The following COL5A1 variants were observed in gnomAD, a reference collection of about 807,000 sequenced individuals.
COL5A1 encodes collagen type V alpha 1 chain.
Under a neutral mutation model 263.7 loss-of-function variants are expected in COL5A1, and 16 were observed. The ratio of observed to expected loss-of-function variants is 0.06; its 90% CI spans 0.04 to 0.09. The LOEUF is 0.09. Ranked by LOEUF, COL5A1 falls within the 10% of genes least tolerant of loss-of-function variation. COL5A1 has a pLI of 1.00. For synonymous variants in COL5A1, 1,012 were observed against 1,004.5 expected, an observed-to-expected ratio of 1.01 and a Z score of -0.14; for missense variants, 2,036 against 2,540.5, an observed-to-expected ratio of 0.80 and a Z score of 4.27.
intron 18 of COL5A1, among the ~76,000 whole-genome samples, chr9:134,761,474 C>T (rs1196044793): frequency 2.6e-5 from 4 of 152,234 alleles, no homozygotes; most frequent in Non-Finnish European, 1.5e-5. Context: ...GAAGGCTGTC[C>T]CTGACTCAGC....
At chr9:134,701,677 G>A (rs562778259) in intron 4 of COL5A1, among the ~76,000 whole-genome samples, 4 of 152,278 alleles carry the variant, frequency 2.6e-5, no homozygotes, top group Admixed American at 1.3e-4. Flanking sequence ...CACTCCTGCC[G>A]TCTGTATCCG....
intron 11 of COL5A1, among the ~76,000 whole-genome samples, chr9:134,747,411 G>T (rs1343639855): frequency 2.6e-5 from 4 of 152,174 alleles, no homozygotes; most frequent in Non-Finnish European, 5.9e-5. Context: ...CACCATGTGA[G>T]CAGGAGCATG....
At chr9:134,679,724 G>T (rs1296244797) in intron 1 of COL5A1, among the ~76,000 whole-genome samples, 2 of 138,908 alleles carry the variant, frequency 1.4e-5, no homozygotes, top group South Asian at 4.9e-4. Flanking sequence ...AGCTGGTTAC[G>T]GGGCACTGTG....
chr9:134,652,274 C>A lies in COL5A1; in HGVS notation c.109+9978C>A, dbSNP rs1324678611. 6.6e-6 allele frequency among the ~76,000 whole-genome samples: 1 copy of A among 152,150 alleles called. No homozygotes were observed. Among genetic ancestry groups the A allele is most frequent in the African/African-American group, 2.4e-5 (1 of 41,434 alleles). ...TACTCAGCTGAAGGTTGAGAACACA[C>A]AGGGCGTCCTTGGGCCGGTGTGGCG... On this transcript the variant is annotated intron_variant, in intron 1 of 65. Transcript: ENST00000371817. This position sits in a 1 kb window ranked among gnomAD's most constrained non-coding sequence, Gnocchi z 4.4.
chr9:134,732,029 TTC>T lies in COL5A1; in HGVS notation c.1333-36_1333-35del, dbSNP rs769012788. ...GTAATCTGGACTTTCTTTCTCACTT[TTC>T]TCTCTGATTCTCTTTCCATCTGCCT... On this transcript the variant is annotated intron_variant, in intron 8 of 65. Transcript: ENST00000371817. The T allele has an allele frequency of 9.3e-6, 15 of 1,609,366 alleles. No homozygotes were observed. The African/African-American group carries it at 2.0e-4, about 22-fold the overall frequency.
chr9:134,701,042 A>G, intron 3 of COL5A1, 129 bp from the exon 4 acceptor site: 2 of 926,694 alleles, frequency 2.2e-6, no homozygotes, highest in African/African-American at 1.6e-5. Flanking sequence ...CTGGGCCTTG[A>G]TCTGCTCCGC....
At chr9:134,787,071 C>T (rs938600447) in intron 31 of COL5A1, among the ~76,000 whole-genome samples, 3 of 152,210 alleles carry the variant, frequency 2.0e-5, no homozygotes, top group Admixed American at 6.5e-5. Flanking sequence ...AACAGTGGCT[C>T]GTTGAACGTG....
chr9:134,732,970 C>T (rs1171314778), intron 9 of COL5A1, among the ~76,000 whole-genome samples: 2 of 152,174 alleles, frequency 1.3e-5, no homozygotes, highest in African/African-American at 2.4e-5. Flanking sequence ...GGAGTCCTGC[C>T]GCTGCATGTG....
chr9:134,666,516 G>A (rs910443532), intron 1 of COL5A1, among the ~76,000 whole-genome samples: 1 of 152,214 alleles, frequency 6.6e-6, no homozygotes, highest in Admixed American at 6.5e-5. Flanking sequence ...CGTTCTCAAA[G>A]GCACACAGGT....
rs1263199880 is a variant in COL5A1 at position 134,754,579 on chromosome 9, T to A, written c.1827+253T>A. On this transcript the variant is annotated intron_variant, in intron 16 of 65. Transcript: ENST00000371817. This position sits in a 1 kb window ranked among gnomAD's most constrained non-coding sequence, Gnocchi z 4.3. ...ACATTCATTTAGTTTAATAAACCTT[T>A]CTAATTCAAGAAACTTCCCAGGCCC... is the stretch of plus-strand genomic sequence containing the variant. 2.6e-5 allele frequency among the ~76,000 whole-genome samples: 4 copies of A among 152,230 alleles called. No individual in the cohort carries two copies. The highest frequency in any genetic ancestry group is 5.9e-5 in the Non-Finnish European group (4 of 68,040).
chr9:134,657,738 G>A (rs967093251), intron 1 of COL5A1, among the ~76,000 whole-genome samples: 4 of 151,164 alleles, frequency 2.6e-5, no homozygotes, highest in African/African-American at 7.3e-5. Context: ...TCCTTTGCCC[G>A]GGGGTGCCAG....
Position 134,727,353 on chromosome 9 carries a change from G to C in COL5A1, c.742G>C (p.Val248Leu). ...EHYSPDCDTA[V>L]PDTPQSQDPN... Reference sequence around the variant, plus strand: ...CTACAGCCCTGACTGTGACACCGCAGTACCTGACACCCCACAGTCGCAGGA... The same window carrying C: ...CTACAGCCCTGACTGTGACACCGCACTACCTGACACCCCACAGTCGCAGGA... The change falls in exon 5 of 66, where the codon GTA becomes CTA. Residue 248 changes from valine (V) to leucine (L), a missense_variant. Physicochemically the swap from Val to Leu is conservative, Grantham distance 32 (BLOSUM62 1). Coordinates refer to ENST00000371817, the MANE Select transcript of COL5A1 (RefSeq NM_000093.5). 6.2e-7 allele frequency: 1 copy of C among 1,614,098 alleles called. No individual in the cohort carries two copies. Among genetic ancestry groups the C allele is most frequent in the Non-Finnish European group, 8.5e-7 (1 of 1,179,986 alleles).
intron 65 of COL5A1, among the ~76,000 whole-genome samples, chr9:134,838,497 C>T (rs1395589359): frequency 2.0e-5 from 3 of 152,228 alleles, no homozygotes; most frequent in Non-Finnish European, 4.4e-5. Flanking sequence ...GTCCAGACCG[C>T]GCCACCTTCT....
chr9:134,740,384 C>T (rs1835260764), intron 11 of COL5A1, among the ~76,000 whole-genome samples: 1 of 152,228 alleles, frequency 6.6e-6, no homozygotes, highest in Non-Finnish European at 1.5e-5. Flanking sequence ...AACGGCCAAG[C>T]TCCTCCTCCG....
intron 36 of COL5A1, 27 bp from the exon 37 acceptor site, chr9:134,798,381 C>T: frequency 1.2e-6 from 2 of 1,612,662 alleles, no homozygotes; most frequent in Non-Finnish European, 1.7e-6. Flanking sequence ...CACGAATGAA[C>T]CTCCTTTCCT....
In COL5A1 at chr9:134,647,483, G is replaced by A. The variant is rs916600304; in HGVS notation, c.109+5187G>A. Among the ~76,000 whole-genome samples the A allele has an allele frequency of 1.3e-5, 2 of 152,170 alleles. No individual in the cohort carries two copies. Among genetic ancestry groups the A allele is most frequent in the South Asian group, 2.1e-4 (1 of 4,832 alleles). ...TTTGTGGGTATACATGTGTGTTTGA[G>A]TGTGCACGCATGCGCATCCTTGCAC... On this transcript the variant is annotated intron_variant, in intron 1 of 65. Coordinates refer to ENST00000371817, the MANE Select transcript of COL5A1 (RefSeq NM_000093.5). The surrounding 1 kb of genome is among the most constrained non-coding windows in gnomAD (Gnocchi z 5.0).
At chr9:134,649,804 T>C (rs1831608796) in intron 1 of COL5A1, among the ~76,000 whole-genome samples, 2 of 152,002 alleles carry the variant, frequency 1.3e-5, no homozygotes. Context: ...CAATGATAGA[T>C]TGGATAAAGA....
intron 65 of COL5A1, among the ~76,000 whole-genome samples, chr9:134,836,152 C>T (rs1478145094): frequency 1.3e-5 from 2 of 152,208 alleles, no homozygotes; most frequent in South Asian, 2.1e-4. Flanking sequence ...GCCGGGTAAA[C>T]GGGAAGCGGT....
In COL5A1 at chr9:134,842,845, G is replaced by A. The variant is rs78312121; in HGVS notation, c.*542G>A. 133 of 170,360 alleles carry A rather than the reference G, an allele frequency of 7.8e-4. No homozygotes were observed. Among genetic ancestry groups the A allele is most frequent in the African/African-American group, 3.0e-3 (126 of 41,914 alleles). The allele number at this position is 170,360 out of a possible 1,614,324, so 10.6% of individuals were successfully genotyped here. On this transcript the variant is annotated 3_prime_UTR_variant, in exon 66 of 66. Coordinates refer to ENST00000371817, the MANE Select transcript of COL5A1 (RefSeq NM_000093.5). This position sits in a 1 kb window ranked among gnomAD's most constrained non-coding sequence, Gnocchi z 5.8. ...AATGTCATTCTGCAGGTGCCTTCCC[G>A]ATGGATTAAAGGTGCTTATGTTTTT... is the stretch of plus-strand genomic sequence containing the variant.
Sources: gnomAD v4.1 joint callset for allele counts (sites outside exome capture counted in the v4.1 genomes callset) on GRCh38, gnomAD v4.1.1 for gene constraint, Gnocchi (gnomAD v3.1) non-coding constraint, MANE v1.5 for transcripts, NCBI Gene and HGNC (gene_info 2026-07-23, HGNC 2026-07-21) for gene names.